The following CLDN14 variants were observed in gnomAD, a reference collection of about 807,000 sequenced individuals.
The protein encoded by CLDN14 is claudin-14.
Under a neutral mutation model 2.1 loss-of-function variants are expected in CLDN14, and 2 were observed. The observed-to-expected ratio is 0.96, with a 90% CI of 0.39 to 3.01. CLDN14 has a LOEUF of 3.01. Ranked by LOEUF, CLDN14 falls within the 30% of genes most tolerant of loss-of-function variation. The pLI, the probability that CLDN14 is intolerant of heterozygous loss-of-function variation, is 0.09. For synonymous variants in CLDN14, 136 were observed against 154.4 expected, an observed-to-expected ratio of 0.88 and a Z score of 0.88; for missense variants, 298 against 328.0, an observed-to-expected ratio of 0.91 and a Z score of 0.71.
intron 1 of CLDN14, among the ~76,000 whole-genome samples, chr21:36,511,355 C>T (rs947137964): frequency 6.6e-6 from 1 of 152,210 alleles, no homozygotes; most frequent in African/African-American, 2.4e-5. Context: ...TAGCTGTTTA[C>T]TTAGACCAGA....
At chr21:36,535,524 A>C (rs1424657232) in intron 1 of CLDN14, among the ~76,000 whole-genome samples, 1 of 152,262 alleles carries the variant, frequency 6.6e-6, no homozygotes, top group Admixed American at 6.5e-5. Flanking sequence ...TGGTATGTGA[A>C]TTATAACTAT....
chr21:36,506,774 G>C (rs139015899), intron 2 of CLDN14, among the ~76,000 whole-genome samples: 1 of 152,134 alleles, frequency 6.6e-6, no homozygotes, highest in African/African-American at 2.4e-5. Flanking sequence ...GTTTTAAAAA[G>C]CAAAATTGTA....
chr21:36,574,011 TA>T (rs1443537806), intron 1 of CLDN14, among the ~76,000 whole-genome samples: 1 of 152,142 alleles, frequency 6.6e-6, no homozygotes, highest in Non-Finnish European at 1.5e-5. Context: ...ATACAATATA[TA>T]TATAAATTAC....
Position 36,461,426 on chromosome 21 carries a change from G to A in CLDN14, c.270C>T (p.Leu90=), listed in dbSNP as rs1293919279. 1 of 1,613,160 alleles carries A rather than the reference G, an allele frequency of 6.2e-7. No homozygotes were observed. Among genetic ancestry groups the A allele is most frequent in the Non-Finnish European group, 8.5e-7 (1 of 1,180,010 alleles). The change falls in exon 2 of 2, where the codon CTC becomes CTT. Residue 90 remains leucine, a synonymous_variant. Coordinates refer to ENST00000399135, the MANE Select transcript of CLDN14 (RefSeq NM_001146079.2). ...CGGCGCAGGCGCAGGCTATGCCCGA[G>A]AGCAGGCAGGAGATGACCATGAGGG... ...ARALMVISCL[L]SGIACACAVI... is the part of the protein sequence containing the mutation.
At chr21:36,553,049 G>A (rs1468884680) in intron 1 of CLDN14, among the ~76,000 whole-genome samples, 24 of 152,186 alleles carry the variant, frequency 1.6e-4, no homozygotes, top group Admixed American at 1.6e-3. Flanking sequence ...AAATCCCTTG[G>A]CCTTGGGCCT....
At chr21:36,504,872 T>G (rs1331193342) in intron 2 of CLDN14, among the ~76,000 whole-genome samples, 1 of 152,134 alleles carries the variant, frequency 6.6e-6, no homozygotes, top group Non-Finnish European at 1.5e-5. Context: ...GAGTCACTGC[T>G]CCCAGAGATA....
At chr21:36,492,101 C>T (rs967194027) in intron 2 of CLDN14, among the ~76,000 whole-genome samples, 2 of 151,146 alleles carry the variant, frequency 1.3e-5, no homozygotes, top group East Asian at 2.0e-4. Context: ...GTTGGTAGTT[C>T]GAGACCAGCC....
chr21:36,532,897 A>G (rs548645284), intron 1 of CLDN14, among the ~76,000 whole-genome samples: 1 of 152,340 alleles, frequency 6.6e-6, no homozygotes, highest in African/African-American at 2.4e-5. Flanking sequence ...ATGCTGTCAA[A>G]TGACTCAACT....
At chr21:36,518,075 T>TAC (rs3030072) in intron 1 of CLDN14, among the ~76,000 whole-genome samples, 10,115 of 148,412 alleles carry the variant, frequency 0.068, 726 homozygotes, top group African/African-American at 0.18. Context: ...CTTACATACG[T>TAC]ACACACACAC....
rs559553228 is a variant in CLDN14 at position 36,474,929 on chromosome 21, C to T, written c.-82+4566G>A. Among the ~76,000 whole-genome samples, 146 of 152,204 alleles carry T rather than the reference C, an allele frequency of 9.6e-4. 1 individual carries two copies. Among genetic ancestry groups the T allele is most frequent in the Middle Eastern group, 3.4e-3 (1 of 294 alleles). Reference sequence around the variant, plus strand: ...CAATAACGCATGTTCTGAGTTTGCTCCAAGTTTCTCAGGGAAATAAGAAGC... The same window carrying T: ...CAATAACGCATGTTCTGAGTTTGCTTCAAGTTTCTCAGGGAAATAAGAAGC... On this transcript the variant is annotated intron_variant, in intron 1 of 1. Transcript: ENST00000399135.
chr21:36,475,603 T>G (rs2086768072), intron 1 of CLDN14, among the ~76,000 whole-genome samples: 1 of 152,092 alleles, frequency 6.6e-6, no homozygotes, highest in Admixed American at 6.6e-5. Flanking sequence ...CAGGCTGGAG[T>G]GCAGTGGCAC....
intron 1 of CLDN14, among the ~76,000 whole-genome samples, chr21:36,527,151 G>A (rs762993530): frequency 1.8e-4 from 28 of 152,158 alleles, no homozygotes; most frequent in Non-Finnish European, 3.7e-4. Context: ...TCCTCCTCTC[G>A]GACGTGATAA....
intron 2 of CLDN14, chr21:36,486,265 T>C (rs2086894511): frequency 2.4e-6 from 2 of 824,794 alleles, no homozygotes; most frequent in Non-Finnish European, 4.3e-6. Context: ...AATCCCCTCT[T>C]CCTTAGGTCA....
chr21:36,537,463 G>T (rs1443230765), intron 1 of CLDN14, among the ~76,000 whole-genome samples: 1 of 152,090 alleles, frequency 6.6e-6, no homozygotes, highest in African/African-American at 2.4e-5. Flanking sequence ...GGGAAAACGT[G>T]AATATGAACT....
In CLDN14 at chr21:36,499,835, C is replaced by T. The variant is rs1405707690; in HGVS notation, c.-82+10528G>A. Among the ~76,000 whole-genome samples, 1 of 152,030 alleles carries T rather than the reference C, an allele frequency of 6.6e-6. No homozygotes were observed. Among genetic ancestry groups the T allele is most frequent in the Non-Finnish European group, 1.5e-5 (1 of 68,044 alleles). On this transcript the variant is annotated intron_variant, in intron 2 of 2. Transcript: ENST00000342108. The surrounding 1 kb of genome is among the most constrained non-coding windows in gnomAD (Gnocchi z 4.7). ...ATGATCAATGCTGCCCCCAGGGCTG[C>T]TGTCATCTCCTGATGACGAGCAACA...
chr21:36,527,938 T>C lies in CLDN14; in HGVS notation c.-219-17438A>G, dbSNP rs1302164097. The stretch of plus-strand genomic sequence containing the variant: ...ATGTCTCTTCCCAAAAGCACCCATT[T>C]TGATGCTGAGGCGAGGACAAAAGTA... On this transcript the variant is annotated intron_variant, in intron 1 of 2. Transcript: ENST00000342108. Among the ~76,000 whole-genome samples, 4 of 152,230 alleles carry C rather than the reference T, an allele frequency of 2.6e-5. No individual in the cohort carries two copies. The East Asian group carries it at 7.7e-4, about 29-fold the overall frequency.
chr21:36,469,951 T>C (rs2086689767), intron 1 of CLDN14, among the ~76,000 whole-genome samples: 1 of 152,192 alleles, frequency 6.6e-6, no homozygotes, highest in African/African-American at 2.4e-5. Flanking sequence ...TTTTTGTTGT[T>C]GTTGTTTTTC....
chr21:36,462,251 A>G (rs1241887005), intron 1 of CLDN14, among the ~76,000 whole-genome samples: 1 of 152,210 alleles, frequency 6.6e-6, no homozygotes, highest in African/African-American at 2.4e-5. Context: ...GTGCTCGGGC[A>G]GGGAGAGGTT....
intron 1 of CLDN14, among the ~76,000 whole-genome samples, chr21:36,567,634 A>G (rs1367088592): frequency 6.6e-6 from 1 of 152,150 alleles, no homozygotes; most frequent in Non-Finnish European, 1.5e-5. Flanking sequence ...AACTGAGAAC[A>G]GTTTCCATTT....
Sources: allele counts gnomAD v4.1 joint callset (sites outside exome capture counted in the v4.1 genomes callset), GRCh38; gene constraint gnomAD v4.1.1; non-coding constraint Gnocchi (gnomAD v3.1); transcripts MANE v1.5; gene names NCBI Gene and HGNC (gene_info 2026-07-23, HGNC 2026-07-21).